Variants in BCAS3 observed in about 807,000 individuals in gnomAD.
The protein encoded by BCAS3 is BCAS4/BCAS3 fusion.
A neutral mutation model predicts 116.1 loss-of-function variants in BCAS3; 53 were observed. The ratio of observed to expected loss-of-function variants is 0.46; its 90% confidence interval spans 0.37 to 0.57. BCAS3 has a LOEUF of 0.57. Among genes scored for constraint, BCAS3 ranks in the 20% least tolerant of loss-of-function variants. The pLI is 0.00. For synonymous variants in BCAS3, 391 were observed against 408.2 expected (o/e 0.96, Z 0.51); for missense variants, 917 against 1,165.4 (o/e 0.79, Z 3.10).
intron 22 of BCAS3, among the ~76,000 whole-genome samples, chr17:61,322,818 G>GAGAGAC (rs2055365171): frequency 1.5e-5 from 2 of 130,702 alleles, no homozygotes; most frequent in African/African-American, 3.2e-5. Flanking sequence ...GAGAGAGAGA[G>GAGAGAC]AGAGAGAGAG....
intron 22 of BCAS3, among the ~76,000 whole-genome samples, chr17:61,321,062 A>G (rs1372244756): frequency 6.6e-6 from 1 of 152,238 alleles, no homozygotes; most frequent in Non-Finnish European, 1.5e-5. Context: ...CAGCTAAGAA[A>G]TAATAAAGCT....
Position 61,261,213 on chromosome 17 carries a change from A to G in BCAS3, c.2426-107114A>G, listed in dbSNP as rs1157994. Among the ~76,000 whole-genome samples the G allele has an allele frequency of 0.96, 145,634 of 152,252 alleles. 69,690 individuals carry two copies. The highest frequency in any genetic ancestry group is 1 in the East Asian group (5,169 of 5,170). On this transcript the variant is annotated intron_variant, in intron 22 of 23. Transcript: ENST00000407086. The surrounding 1 kb of genome is among the most constrained non-coding windows in gnomAD (Gnocchi z 4.4). ...AAGTACCTCCCTGGGGAGCGGGTGGACAGGGAAAGAAGGTTTGATGGCAGT... is the reference window on the plus strand; with the variant it reads ...AAGTACCTCCCTGGGGAGCGGGTGGGCAGGGAAAGAAGGTTTGATGGCAGT...
At chr17:60,786,824 C>G (rs1467457898) in intron 6 of BCAS3, among the ~76,000 whole-genome samples, 1 of 151,948 alleles carries the variant, frequency 6.6e-6, no homozygotes, top group Non-Finnish European at 1.5e-5. Context: ...ATGGTAAAAG[C>G]TCTATGTTTT....
At chr17:60,988,335 T>C (rs557173249) in intron 14 of BCAS3, among the ~76,000 whole-genome samples, 107 of 111,970 alleles carry the variant, frequency 9.6e-4, no homozygotes, top group African/African-American at 3.7e-3. Context: ...TTCTTTTCTT[T>C]TTCTTTTTTT....
intron 7 of BCAS3, among the ~76,000 whole-genome samples, chr17:60,815,335 C>G (rs533053884): frequency 1.3e-5 from 2 of 152,108 alleles, no homozygotes; most frequent in East Asian, 3.9e-4. Flanking sequence ...AGGAGATATA[C>G]CTAATATAAA....
intron 22 of BCAS3, among the ~76,000 whole-genome samples, chr17:61,090,202 A>G (rs2073437346): frequency 6.6e-6 from 1 of 152,218 alleles, no homozygotes; most frequent in Non-Finnish European, 1.5e-5. Context: ...TATTTCCTTA[A>G]GTAACTCCTG....
At position 61,040,785 on chromosome 17, in the gene BCAS3, T is replaced by C. The variant is rs773329551; in HGVS notation, c.1929-7T>C. 2 of 1,609,330 alleles carry C rather than the reference T, an allele frequency of 1.2e-6. No individual in the cohort carries two copies. The highest frequency in any genetic ancestry group is 2.7e-5 in the African/African-American group (2 of 74,846). ...TAAATATTAATATTCTTCTCCTGTT[T>C]CCTTAGAACCCCTCAATGGAATGAA... On this transcript the variant is annotated splice_polypyrimidine_tract_variant and splice_region_variant and intron_variant, in intron 18 of 23. Coordinates refer to ENST00000407086, the MANE Select transcript of BCAS3 (RefSeq NM_017679.5).
At chr17:61,318,448 C>T (rs575435686) in intron 22 of BCAS3, among the ~76,000 whole-genome samples, 86 of 152,276 alleles carry the variant, frequency 5.6e-4, no homozygotes, top group Non-Finnish European at 1.1e-3. Context: ...TTCTTGAAGA[C>T]GGCACCATCT....
chr17:61,090,464 G>A (rs2073457802), intron 22 of BCAS3, among the ~76,000 whole-genome samples: 1 of 152,074 alleles, frequency 6.6e-6, no homozygotes, highest in Admixed American at 6.6e-5. Context: ...ATTAAGATTG[G>A]CTTTTATATT....
chr17:61,202,515 A>T, intron 22 of BCAS3, among the ~76,000 whole-genome samples: 1 of 150,902 alleles, frequency 6.6e-6, no homozygotes, highest in Non-Finnish European at 1.5e-5. Context: ...AATATTACTT[A>T]TTTAATTTTT....
intron 15 of BCAS3, among the ~76,000 whole-genome samples, chr17:60,992,230 A>ACACACACACACACACACACACT (rs748676282): frequency 4.8e-5 from 7 of 147,112 alleles, no homozygotes; most frequent in African/African-American, 1.8e-4. Flanking sequence ...ACACACACAC[A>ACACACACACACACACACACACT]CTCTGTAGGA....
chr17:60,903,055 A>G (rs970983800), intron 11 of BCAS3, among the ~76,000 whole-genome samples: 3 of 152,214 alleles, frequency 2.0e-5, no homozygotes, highest in African/African-American at 7.2e-5. Context: ...ATTCTTTTAT[A>G]TCAAGGGGCT....
chr17:60,970,013 G>C (rs2061867561), intron 14 of BCAS3, among the ~76,000 whole-genome samples: 1 of 152,202 alleles, frequency 6.6e-6, no homozygotes. Context: ...CATAATACCA[G>C]AAGCAAACTT....
intron 19 of BCAS3, among the ~76,000 whole-genome samples, chr17:61,047,725 A>G (rs1271799398): frequency 6.6e-6 from 1 of 152,104 alleles, no homozygotes; most frequent in Admixed American, 6.5e-5. Context: ...AAAATAGACA[A>G]TAACTTTTTC....
intron 22 of BCAS3, among the ~76,000 whole-genome samples, chr17:61,299,179 C>T (rs1034331440): frequency 4.6e-5 from 7 of 151,712 alleles, no homozygotes; most frequent in African/African-American, 1.5e-4. Flanking sequence ...CACAGTGGCT[C>T]ACACCTGTAA....
intron 6 of BCAS3, among the ~76,000 whole-genome samples, chr17:60,773,504 G>A (rs1437428317): frequency 6.6e-6 from 1 of 151,816 alleles, no homozygotes; most frequent in African/African-American, 2.4e-5. Flanking sequence ...TGTTGCCCAG[G>A]GTGGTCTTAA....
chr17:61,090,510 A>G (rs1481767432), intron 22 of BCAS3, among the ~76,000 whole-genome samples: 2 of 152,210 alleles, frequency 1.3e-5, no homozygotes, highest in African/African-American at 2.4e-5. Flanking sequence ...ATTAATTCTA[A>G]TCTTTCGACT....
intron 9 of BCAS3, among the ~76,000 whole-genome samples, chr17:60,888,681 G>A (rs1399312850): frequency 6.6e-6 from 1 of 152,070 alleles, no homozygotes; most frequent in Non-Finnish European, 1.5e-5. Flanking sequence ...TTAACCTGAA[G>A]TCAGTTTTCC....
At chr17:60,899,332 G>T (rs1001178475) in intron 10 of BCAS3, among the ~76,000 whole-genome samples, 4 of 152,090 alleles carry the variant, frequency 2.6e-5, no homozygotes, top group Non-Finnish European at 4.4e-5. Context: ...TGCCCAGCTC[G>T]CAACCAAGTC....
Sources: allele counts gnomAD v4.1 joint callset (sites outside exome capture counted in the v4.1 genomes callset), GRCh38; gene constraint gnomAD v4.1.1; non-coding constraint Gnocchi (gnomAD v3.1); transcripts MANE v1.5; gene names NCBI Gene and HGNC (gene_info 2026-07-23, HGNC 2026-07-21).